The following IDO1 variants were observed in gnomAD, a reference collection of about 807,000 sequenced individuals.
IDO1 encodes indolamine 2,3 dioxygenase.
Under a neutral mutation model 38.8 loss-of-function variants are expected in IDO1, and 35 were observed. That is an observed-to-expected ratio of 0.90 (90% confidence interval 0.69 to 1.20). The LOEUF (loss-of-function observed/expected upper bound fraction) is 1.20. IDO1 is among the 50% of genes most tolerant of loss of function. The pLI, the probability that IDO1 is intolerant of heterozygous loss-of-function variation, is 0.00. For synonymous variants in IDO1, 171 were observed against 170.0 expected (o/e 1.01, Z -0.05); for missense variants, 509 against 485.1 (o/e 1.05, Z -0.46).
At chr8:39,927,070 A>G (rs1807371322) in intron 9 of IDO1, among the ~76,000 whole-genome samples, 1 of 152,132 alleles carries the variant, frequency 6.6e-6, no homozygotes, top group Non-Finnish European at 1.5e-5. Context: ...TCCATGGTGT[A>G]CATGTACCAC....
intron 8 of IDO1, 82 bp downstream of exon 8, chr8:39,924,854 C>T: frequency 2.0e-6 from 2 of 1,016,202 alleles, no homozygotes; most frequent in Non-Finnish European, 3.0e-6. Context: ...CCCTAATATC[C>T]ATTGGGTTTG....
At chr8:39,914,188 C>A in intron 1 of IDO1, 179 bp downstream of exon 1, 1 of 543,946 alleles carries the variant, frequency 1.8e-6, no homozygotes, top group Non-Finnish European at 3.3e-6. Context: ...TACATTTTCT[C>A]CCTAGAAATG....
chr8:39,914,645 A>T (rs540580208), intron 1 of IDO1, among the ~76,000 whole-genome samples: 2 of 152,218 alleles, frequency 1.3e-5, no homozygotes, highest in African/African-American at 4.8e-5. Flanking sequence ...AACGAATGCT[A>T]TGTAAACCAA....
In IDO1 at chr8:39,916,833, G is replaced by A. The variant is rs564994640; in HGVS notation, c.88-1042G>A. 1.1e-4 allele frequency among the ~76,000 whole-genome samples: 16 copies of A among 152,214 alleles called. No homozygotes were observed. The South Asian group carries it at 3.3e-3, about 32-fold the overall frequency. ...AAATTTTATACTTGTTGAAAGTGCT[G>A]TCAAATAAAATGATCATCATTGTGC... On this transcript the variant is annotated intron_variant, in intron 1 of 9. Coordinates refer to ENST00000518237, the MANE Select transcript of IDO1 (RefSeq NM_002164.6).
rs1201285661 is a variant in IDO1 at position 39,927,893 on chromosome 8, T to C, written c.920T>C (p.Leu307Pro). The change falls in exon 10 of 10, where the codon CTG (leucine) becomes CCG (proline). Residue 307 changes from leucine (L) to proline (P), a missense_variant. Physicochemically the swap from Leu to Pro is moderately conservative, Grantham distance 98. Transcript: ENST00000518237. ...RYMPPAHRNFLCSLESNPSVR... is the reference protein window; with the variant it reads ...RYMPPAHRNFPCSLESNPSVR... Reference sequence around the variant, plus strand: ...ATGCCACCAGCTCACAGGAACTTCCTGTGCTCATTAGAGTCAAATCCCTCA... The same window carrying C: ...ATGCCACCAGCTCACAGGAACTTCCCGTGCTCATTAGAGTCAAATCCCTCA... 1 of 1,602,304 alleles carries C rather than the reference T, an allele frequency of 6.2e-7. No homozygotes were observed. Among genetic ancestry groups the C allele is most frequent in the East Asian group, 2.2e-5 (1 of 44,744 alleles).
In IDO1 at chr8:39,918,186, A is replaced by T; in HGVS notation, c.282A>T (p.Lys94Asn). ...TCACCATGGCATATGTGTGGGGCAA[A>T]GGTCATGGAGATGTCCGTAAGGTTT... ...GCITMAYVWG[K>N]GHGDVRKVLP... is the part of the protein sequence containing the mutation. The change falls in exon 3 of 10, where the codon AAA (lysine) becomes AAT (asparagine). Residue 94 changes from lysine to asparagine, a missense_variant. Coordinates refer to ENST00000518237, the MANE Select transcript of IDO1 (RefSeq NM_002164.6). 1.9e-6 allele frequency: 3 copies of T among 1,613,136 alleles called. No individual in the cohort carries two copies. The highest frequency in any genetic ancestry group is 2.5e-6 in the Non-Finnish European group (3 of 1,179,174).
chr8:39,914,267 A>G, intron 1 of IDO1: 1 of 327,806 alleles, frequency 3.1e-6, no homozygotes, highest in East Asian at 5.7e-5. Flanking sequence ...AACTATAGAA[A>G]GTGTATCAGC....
In IDO1 at chr8:39,925,415, C is replaced by T. The variant is rs201282714; in HGVS notation, c.856+44C>T. On this transcript the variant is annotated intron_variant, in intron 9 of 9. Coordinates refer to ENST00000518237, the MANE Select transcript of IDO1 (RefSeq NM_002164.6). ...GAAATAATTATCTCTTATGTGAATA[C>T]AATAGTATTTGGATATCTACAAAGC... is the stretch of plus-strand genomic sequence containing the variant. 1.1e-4 allele frequency: 169 copies of T among 1,552,808 alleles called. 1 individual carries two copies. The East Asian group carries it at 3.8e-3, about 35-fold the overall frequency.
At chr8:39,921,402 G>A (rs967376793) in intron 5 of IDO1, among the ~76,000 whole-genome samples, 3 of 152,058 alleles carry the variant, frequency 2.0e-5, no homozygotes, top group African/African-American at 7.2e-5. Flanking sequence ...GCAGTGAGAC[G>A]AGATTGTGCC....
chr8:39,924,670 C>A, intron 7 of IDO1, 51 bp from the exon 8 acceptor site: 1 of 1,307,072 alleles, frequency 7.7e-7, no homozygotes, highest in Non-Finnish European at 1.1e-6. Context: ...ACCTTGATTT[C>A]CCTGTATACC....
intron 9 of IDO1, among the ~76,000 whole-genome samples, chr8:39,926,897 T>C (rs753881603): frequency 3.3e-5 from 5 of 152,186 alleles, no homozygotes; most frequent in Admixed American, 3.3e-4. Flanking sequence ...TTTGTGTCCA[T>C]GTGTACTCAA....
chr8:39,924,435 T>G (rs1807326690), intron 7 of IDO1, among the ~76,000 whole-genome samples: 1 of 152,180 alleles, frequency 6.6e-6, no homozygotes, highest in Non-Finnish European at 1.5e-5. Context: ...TTGTTTTGAT[T>G]TGTTTTTTTT....
chr8:39,918,851 C>A lies in IDO1; in HGVS notation c.340C>A (p.Leu114Ile). Residue 114 changes from leucine (L) to isoleucine (I), a missense_variant, in exon 4 of 10, where the codon CTC becomes ATC. By Grantham distance (5) the Leu-to-Ile change is conservative (BLOSUM62 2). Transcript: ENST00000518237. ...PRNIAVPYCQ[L>I]SKKLELPPIL... ...AAATATTGCTGTTCCTTACTGCCAA[C>A]TCTCCAAGAAACTGGAACTGCCTCC... 6.2e-7 allele frequency: 1 copy of A among 1,610,958 alleles called. No homozygotes were observed. The highest frequency in any genetic ancestry group is 8.5e-7 in the Non-Finnish European group (1 of 1,178,032).
intron 6 of IDO1, 102 bp downstream of exon 6, chr8:39,922,753 A>G: frequency 1.3e-6 from 1 of 747,448 alleles, no homozygotes; most frequent in Non-Finnish European, 2.4e-6. Flanking sequence ...TTTATCCTTA[A>G]CAAGTACAAC....
chr8:39,920,059 C>T (rs762076532), intron 4 of IDO1, 41 bp from the exon 5 acceptor site: 2 of 1,592,034 alleles, frequency 1.3e-6, no homozygotes, highest in East Asian at 2.2e-5. Flanking sequence ...TTTTCTTTCT[C>T]TCTTCCAATT....
At chr8:39,919,022 C>T (rs559384555) in intron 4 of IDO1, 89 bp downstream of exon 4, 28 of 834,834 alleles carry the variant, frequency 3.4e-5, no homozygotes, top group Admixed American at 1.5e-4. Flanking sequence ...TTTTGGGCAG[C>T]GCAGCTTTCC....
chr8:39,923,403 CAAAA>C (rs11337517), intron 6 of IDO1, 62 bp from the exon 7 acceptor site: 31,987 of 733,562 alleles, frequency 0.044, 6 homozygotes, highest in Non-Finnish European at 0.049. Context: ...GACTCCGTCT[CAAAA>C]AAAAAAAAAA....
At position 39,927,828 on chromosome 8, in the gene IDO1, A is replaced by G. The variant is rs1208406915; in HGVS notation, c.857-2A>G. 6 of 1,505,306 alleles carry G rather than the reference A, an allele frequency of 4.0e-6. No homozygotes were observed. Among genetic ancestry groups the G allele is most frequent in the Non-Finnish European group, 5.3e-6 (6 of 1,127,390 alleles). The allele number at this position is 1,505,306 out of a possible 1,614,324, so 93.2% of individuals were successfully genotyped here. A position where few individuals can be genotyped will look rare whatever the true frequency, so the allele number is the denominator to read the frequency against. On this transcript the variant is annotated splice_acceptor_variant, in intron 9 of 9. Coordinates refer to ENST00000518237, the MANE Select transcript of IDO1 (RefSeq NM_002164.6). LOFTEE classifies it high-confidence loss of function. ...TATTTCCTCTTTCTCTTTTTCCTAT[A>G]GGACATGCTGCTCAGTTCCTCCAGG... is the stretch of plus-strand genomic sequence containing the variant.
rs373089325 is a variant in IDO1, at chr8:39,920,056, T to C, written c.423-44T>C. ...TATTTGATGTTAAATTGGTTTTCTT[T>C]CTCTCTTCCAATTGGTCCATTGCTT... is the stretch of plus-strand genomic sequence containing the variant. On this transcript the variant is annotated intron_variant, in intron 4 of 9. Transcript: ENST00000518237. The C allele has an allele frequency of 8.8e-6, 14 of 1,587,394 alleles. No homozygotes were observed. In the African/African-American group the frequency reaches 1.7e-4, roughly 20 times the overall value.
Sources: allele counts gnomAD v4.1 joint callset (sites outside exome capture counted in the v4.1 genomes callset), GRCh38; gene constraint gnomAD v4.1.1; transcripts MANE v1.5; gene names NCBI Gene and HGNC (gene_info 2026-07-23, HGNC 2026-07-21).